Variants in PBDC1 observed in about 807,000 individuals in gnomAD.
The protein encoded by PBDC1 is protein PBDC1.
In PBDC1, 3 loss-of-function variants were observed where a neutral mutation model predicts 12.0. The observed-to-expected ratio is 0.25, with a 90% CI of 0.11 to 0.64. The LOEUF is 0.64. PBDC1 is among the 30% of genes least tolerant of loss of function. The pLI, the probability that PBDC1 is intolerant of heterozygous loss-of-function variation, is 0.84. For synonymous variants in PBDC1, 64 were observed against 56.4 expected (o/e 1.13, Z -0.60); for missense variants, 162 against 168.1 (o/e 0.96, Z 0.20).
intron 1 of PBDC1, 102 bp downstream of exon 1, chrX:76,173,270 G>T: frequency 3.9e-6 from 3 of 764,812 alleles, no homozygotes; most frequent in Non-Finnish European, 5.6e-6. Flanking sequence ...GCCCAGGCTG[G>T]AGTGCAGTGG....
chrX:76,173,290 C>T (rs1924703876), intron 1 of PBDC1, 122 bp downstream of exon 1: 2 of 631,587 alleles, frequency 3.2e-6, no homozygotes, highest in Admixed American at 8.2e-5. Flanking sequence ...GTGGGATCAC[C>T]GCTTACTGCA....
intron 2 of PBDC1, 134 bp from the exon 3 acceptor site, chrX:76,174,756 T>G: frequency 2.0e-6 from 1 of 510,692 alleles, no homozygotes; most frequent in East Asian, 3.4e-5. Flanking sequence ...TTACTCCAGT[T>G]TTTATCATTT....
Position 76,173,131 on chromosome X carries a change from G to A in PBDC1, c.-8G>A. The A allele has an allele frequency of 8.5e-7, 1 of 1,176,468 alleles. No homozygotes were observed. The highest frequency in any genetic ancestry group is 1.1e-6 in the Non-Finnish European group (1 of 877,048). On this transcript the variant is annotated 5_prime_UTR_variant, in exon 1 of 6. Transcript: ENST00000373358. ...TGCGGAAGGAGCCACGCTTTCGGGG[G>A]TTGCAAGATGGCGGCCACCAGTGGA...
At chrX:76,174,854 G>A in intron 2 of PBDC1, 36 bp from the exon 3 acceptor site, 1 of 1,151,138 alleles carries the variant, frequency 8.7e-7, no homozygotes, top group East Asian at 3.0e-5. Flanking sequence ...GTAGGATGGG[G>A]AGATTTATGA....
intron 4 of PBDC1, 36 bp from the exon 5 acceptor site, chrX:76,176,845 C>A: frequency 1.0e-6 from 1 of 960,047 alleles, no homozygotes; most frequent in Non-Finnish European, 1.5e-6. Flanking sequence ...CAGCCTCTTG[C>A]ATTTGTCAGC....
chrX:76,175,057 C>A, intron 3 of PBDC1, 108 bp downstream of exon 3: 1 of 654,403 alleles, frequency 1.5e-6, no homozygotes, highest in South Asian at 2.7e-5. Context: ...TTTTGGAGAT[C>A]GTTTTTATTA....
At position 76,178,244 on chromosome X, in the gene PBDC1, ATTT is replaced by A. The variant is rs1924841279; in HGVS notation, c.*341_*343del. 1 of 290,426 alleles carries A rather than the reference ATTT, an allele frequency of 3.4e-6. No individual in the cohort carries two copies. The highest frequency in any genetic ancestry group is 6.0e-6 in the Non-Finnish European group (1 of 166,519). The allele number at this position is 290,426 out of a possible 1,213,427, so 23.9% of individuals were successfully genotyped here. A position where few individuals can be genotyped will look rare whatever the true frequency, so the allele number is the denominator to read the frequency against. ...TTTAAAAAGGTATTTGACACTTGAA[ATTT>A]TTTTCAAATATGTAATCTCATCACC... On this transcript the variant is annotated 3_prime_UTR_variant, in exon 6 of 6. Transcript: ENST00000373358.
At position 76,173,179 on chromosome X, in the gene PBDC1, G is replaced by C. The variant is rs782718415; in HGVS notation, c.30+11G>C. The C allele has an allele frequency of 8.6e-6, 10 of 1,165,630 alleles. 1 individual carries two copies. In the South Asian group the frequency reaches 1.9e-4, roughly 22 times the overall value. Reference sequence around the variant, plus strand: ...GGAACTGATGAGCCGGTGAGACGCTGTTCTGGGGTCGGGTGAGTGGGGAGG... The same window carrying C: ...GGAACTGATGAGCCGGTGAGACGCTCTTCTGGGGTCGGGTGAGTGGGGAGG... On this transcript the variant is annotated intron_variant, in intron 1 of 5. Coordinates refer to ENST00000373358, the MANE Select transcript of PBDC1 (RefSeq NM_016500.5).
Position 76,173,646 on chromosome X carries a change from A to G in PBDC1, c.92A>G (p.Asn31Ser). ...TCTCTCCCAGCAGAGTCGTATGGCA[A>G]CGATGTGAGTATGACTCACCCACAG... ...ALSLPAESYG[N>S]DPDIEMAWAM... The change falls in exon 2 of 6, where the codon AAC becomes AGC. Residue 31 changes from asparagine (N) to serine (S), a missense_variant. Asn to Ser is a conservative substitution (Grantham distance 46). Coordinates refer to ENST00000373358, the MANE Select transcript of PBDC1 (RefSeq NM_016500.5). The G allele has an allele frequency of 8.5e-7, 1 of 1,183,243 alleles. No homozygotes were observed. The highest frequency in any genetic ancestry group is 1.1e-6 in the Non-Finnish European group (1 of 879,347).
chrX:76,176,904 G>A lies in PBDC1; in HGVS notation c.321G>A (p.Lys107=). 1 of 1,206,472 alleles carries A rather than the reference G, an allele frequency of 8.3e-7. No homozygotes were observed. Among genetic ancestry groups the A allele is most frequent in the Non-Finnish European group, 1.1e-6 (1 of 891,545 alleles). ...AGAAGTGGAGGCCATTCTGCTTGAA[G>A]TTTAATGGGATTGTTGAAGACTTCA... The part of the protein sequence containing the change: ...AKEKWRPFCL[K]FNGIVEDFNY... Residue 107 remains lysine, a synonymous_variant, in exon 5 of 6, where the codon AAG becomes AAA. Coordinates refer to ENST00000373358, the MANE Select transcript of PBDC1 (RefSeq NM_016500.5).
chrX:76,173,549 T>TG (rs782818535), intron 1 of PBDC1, 36 bp from the exon 2 acceptor site: 61 of 1,130,093 alleles, frequency 5.4e-5, no homozygotes, highest in African/African-American at 2.7e-4. Context: ...CGCCCGGCCT[T>TG]GGGGGGAGCC....
Position 76,177,675 on chromosome X carries a change from G to A in PBDC1, c.469G>A (p.Ala157Thr). 8.4e-7 allele frequency: 1 copy of A among 1,194,786 alleles called. No homozygotes were observed. The highest frequency in any genetic ancestry group is 1.9e-5 in the South Asian group (1 of 53,931). The change falls in exon 6 of 6, where the codon GCT becomes ACT. Residue 157 changes from alanine to threonine, a missense_variant. Ala to Thr is a moderately conservative substitution (Grantham distance 58, BLOSUM62 0). Coordinates refer to ENST00000373358, the MANE Select transcript of PBDC1 (RefSeq NM_016500.5). Reference protein sequence around the residue: ...IARNREGYNKAVYISVQDKEG... With the variant: ...IARNREGYNKTVYISVQDKEG... ...TCGGAACCGGGAAGGCTATAACAAAGCTGTTTATATCAGTGTTCAGGACAA... is the reference window on the plus strand; with the variant it reads ...TCGGAACCGGGAAGGCTATAACAAAACTGTTTATATCAGTGTTCAGGACAA...
intron 2 of PBDC1, among the ~76,000 whole-genome samples, chrX:76,174,051 C>A (rs1924728391): frequency 9.0e-6 from 1 of 111,715 alleles, no homozygotes; most frequent in Admixed American, 9.5e-5. Flanking sequence ...GAGGTATTTT[C>A]CAAAACAAGA....
chrX:76,177,624 A>T lies in PBDC1; in HGVS notation c.418A>T (p.Ile140Leu). The T allele has an allele frequency of 1.7e-6, 2 of 1,178,913 alleles. No homozygotes were observed. Among genetic ancestry groups the T allele is most frequent in the Non-Finnish European group, 2.3e-6 (2 of 884,388 alleles). ...TEENTIFAPRIQFFAIEIARN... is the reference protein window; with the variant it reads ...TEENTIFAPRLQFFAIEIARN... ...TTCTGTTCACTTTTCAGCCCCCAGG[A>T]TACAATTCTTTGCCATTGAAATTGC... Residue 140 changes from isoleucine (I) to leucine (L), a missense_variant, in exon 6 of 6, where the codon ATA becomes TTA. By Grantham distance (5) the Ile-to-Leu change is conservative. Around this residue, in one of 3 missense-constraint regions of PBDC1, gnomAD observed 100 missense variants for 96.2 expected, o/e 1.04. Transcript: ENST00000373358.
At chrX:76,175,674 GT>G in intron 4 of PBDC1, 61 bp downstream of exon 4, 2 of 918,095 alleles carry the variant, frequency 2.2e-6, no homozygotes, top group Non-Finnish European at 3.0e-6. Context: ...GATTGCGAAT[GT>G]TTTTTTACAT....
At chrX:76,174,476 T>A (rs1162913259) in intron 2 of PBDC1, among the ~76,000 whole-genome samples, 2 of 112,210 alleles carry the variant, frequency 1.8e-5, no homozygotes, top group Admixed American at 1.9e-4. Flanking sequence ...CAAAAATGAT[T>A]ATGACATGCT....
intron 2 of PBDC1, 140 bp from the exon 3 acceptor site, chrX:76,174,750 T>C (rs1924747033): frequency 8.1e-6 from 4 of 495,829 alleles, no homozygotes; most frequent in Non-Finnish European, 1.4e-5. Context: ...AATTTATTAC[T>C]CCAGTTTTTA....
chrX:76,177,922 C>T lies in PBDC1; in HGVS notation c.*14C>T, dbSNP rs1924832630. ...AAAGCTATGTAAGGTATACAGGGAA[C>T]AGCACTCTAGAAGCTATGACTCAAT... is the stretch of plus-strand genomic sequence containing the variant. On this transcript the variant is annotated 3_prime_UTR_variant, in exon 6 of 6. Coordinates refer to ENST00000373358, the MANE Select transcript of PBDC1 (RefSeq NM_016500.5). 8.3e-7 allele frequency: 1 copy of T among 1,208,102 alleles called. No individual in the cohort carries two copies. The highest frequency in any genetic ancestry group is 1.1e-6 in the Non-Finnish European group (1 of 893,153).
intron 2 of PBDC1, among the ~76,000 whole-genome samples, chrX:76,174,688 C>T (rs782639769): frequency 1.8e-5 from 2 of 112,236 alleles, no homozygotes; most frequent in Non-Finnish European, 3.8e-5. Flanking sequence ...GTTCATTATA[C>T]TGTGTAGGTA....
Sources: gnomAD v4.1 joint callset for allele counts (sites outside exome capture counted in the v4.1 genomes callset) on GRCh38, gnomAD v4.1.1 for gene constraint, gnomAD v4.1.1 regional missense constraint, MANE v1.5 for transcripts, NCBI Gene and HGNC (gene_info 2026-07-23, HGNC 2026-07-21) for gene names.